The following HSD11B1 variants were observed in gnomAD, a reference collection of about 807,000 sequenced individuals.
HSD11B1 encodes 11-beta-hydroxysteroid dehydrogenase 1.
Under a neutral mutation model 22.1 loss-of-function variants are expected in HSD11B1, and 15 were observed. The ratio of observed to expected loss-of-function variants is 0.68; its 90% CI spans 0.45 to 1.04. The LOEUF (loss-of-function observed/expected upper bound fraction) is 1.04. Among genes scored for constraint, HSD11B1 ranks in the 50% least tolerant of loss-of-function variants. The pLI is 0.00. For synonymous variants in HSD11B1, 122 were observed against 125.2 expected (o/e 0.97, Z 0.17); for missense variants, 281 against 357.6 (o/e 0.79, Z 1.73).
At chr1:209,722,678 G>A (rs2076973874) in intron 4 of HSD11B1, among the ~76,000 whole-genome samples, 1 of 152,138 alleles carries the variant, frequency 6.6e-6, no homozygotes, top group Non-Finnish European at 1.5e-5. Flanking sequence ...AGGAAGAGCT[G>A]GGAAAAATGG....
intron 1 of HSD11B1, among the ~76,000 whole-genome samples, chr1:209,697,395 A>G (rs564957632): frequency 1.3e-5 from 2 of 152,328 alleles, no homozygotes; most frequent in Non-Finnish European, 2.9e-5. Flanking sequence ...ATCAAAATGA[A>G]CAACTTCCTG....
intron 1 of HSD11B1, among the ~76,000 whole-genome samples, chr1:209,689,877 A>T (rs1179749103): frequency 6.6e-6 from 1 of 152,224 alleles, no homozygotes; most frequent in Non-Finnish European, 1.5e-5. Context: ...ATGGGACAAA[A>T]GCCTTAGATA....
At chr1:209,701,207 T>C (rs1050843226), upstream of HSD11B1, among the ~76,000 whole-genome samples, 18 of 152,202 alleles carry the variant, frequency 1.2e-4, no homozygotes, top group African/African-American at 3.9e-4. Context: ...GAAACCAGGA[T>C]CAAAGAGAGG....
Position 209,734,229 on chromosome 1 carries a change from G to A in HSD11B1, c.662-75G>A, listed in dbSNP as rs912574974. On this transcript the variant is annotated intron_variant, in intron 5 of 5. Transcript: ENST00000367027. ...GCCAAAAGCCCCTGACAGCTAAGTGGTTGATGTCTCCAGGCCTTCCATCAT... is the reference window on the plus strand; with the variant it reads ...GCCAAAAGCCCCTGACAGCTAAGTGATTGATGTCTCCAGGCCTTCCATCAT... The A allele has an allele frequency of 4.1e-5, 48 of 1,178,846 alleles. No homozygotes were observed. The African/African-American group carries it at 6.5e-4, about 16-fold the overall frequency. 73.0% of individuals were successfully genotyped at this position (1,178,846 alleles called of 1,614,324 possible). A position where few individuals can be genotyped will look rare whatever the true frequency, so the allele number is the denominator to read the frequency against.
chr1:209,700,409 G>T (rs571237871), upstream of HSD11B1, among the ~76,000 whole-genome samples: 39 of 152,302 alleles, frequency 2.6e-4, no homozygotes, highest in South Asian at 7.7e-3. Flanking sequence ...CTGAGCTCTA[G>T]GCTAGCTCCT....
chr1:209,695,592 T>C (rs1280732435), intron 1 of HSD11B1, among the ~76,000 whole-genome samples: 1 of 152,040 alleles, frequency 6.6e-6, no homozygotes, highest in Non-Finnish European at 1.5e-5. Context: ...AGGCAGATCA[T>C]GAGGTCAAGA....
intron 4 of HSD11B1, among the ~76,000 whole-genome samples, chr1:209,707,555 T>C (rs1016513503): frequency 1.4e-4 from 22 of 152,150 alleles, no homozygotes; most frequent in African/African-American, 5.3e-4. Context: ...GAGGCACGCA[T>C]CCTGAGTAAA....
chr1:209,719,019 CAAA>C (rs56342028), intron 4 of HSD11B1, among the ~76,000 whole-genome samples: 8 of 35,704 alleles, frequency 2.2e-4, no homozygotes, highest in Admixed American at 9.7e-4. Flanking sequence ...GACTCCATCT[CAAA>C]AAAAAAAAAA....
chr1:209,694,012 C>T (rs1273840905), intron 1 of HSD11B1, among the ~76,000 whole-genome samples: 1 of 152,102 alleles, frequency 6.6e-6, no homozygotes, highest in African/African-American at 2.4e-5. Context: ...TCCTCCTGCT[C>T]CCAGCTCACC....
chr1:209,695,690 C>G lies in HSD11B1; in HGVS notation c.-48-9205C>G, dbSNP rs377288303. ...GGGTGTGGTGGTGCACCCTGTAGTC[C>G]CAGCTACTCAGGAGGCTGAGGCAGG... On this transcript the variant is annotated intron_variant, in intron 1 of 6. Transcript: ENST00000261465. 1.1e-3 allele frequency among the ~76,000 whole-genome samples: 167 copies of G among 152,188 alleles called. 1 individual carries two copies. The highest frequency in any genetic ancestry group is 3.8e-3 in the African/African-American group (157 of 41,522).
chr1:209,693,297 A>G (rs918317229), intron 1 of HSD11B1, among the ~76,000 whole-genome samples: 5 of 152,234 alleles, frequency 3.3e-5, no homozygotes, highest in Non-Finnish European at 7.3e-5. Context: ...AGGGAGCAGG[A>G]CAAGGCAGAA....
At chr1:209,726,024 A>T (rs777624038) in intron 4 of HSD11B1, among the ~76,000 whole-genome samples, 1 of 152,126 alleles carries the variant, frequency 6.6e-6, no homozygotes, top group Non-Finnish European at 1.5e-5. Context: ...ATGCTTGCAT[A>T]ATAGTTCATT....
chr1:209,699,369 A>G (rs2357075), intron 1 of HSD11B1, among the ~76,000 whole-genome samples: 108,208 of 152,034 alleles, frequency 0.71, 40,568 homozygotes, highest in Middle Eastern at 0.83. Flanking sequence ...AGGCCTCAGA[A>G]TCATGGTGGT....
chr1:209,695,426 C>T (rs942538937), intron 1 of HSD11B1, among the ~76,000 whole-genome samples: 8 of 152,138 alleles, frequency 5.3e-5, no homozygotes, highest in South Asian at 4.1e-4. Flanking sequence ...ACTAATTAGA[C>T]GGATGGTGAA....
chr1:209,705,794 C>T lies in HSD11B1; in HGVS notation c.89-17C>T. Reference sequence around the variant, plus strand: ...CCAACTTGGGTATGGTCCTCACTTCCTTTTGGGGTTCCCCAGAGATGCTCC... The same window carrying T: ...CCAACTTGGGTATGGTCCTCACTTCTTTTTGGGGTTCCCCAGAGATGCTCC... On this transcript the variant is annotated splice_polypyrimidine_tract_variant and intron_variant, in intron 1 of 5. Coordinates refer to ENST00000367027, the MANE Select transcript of HSD11B1 (RefSeq NM_005525.4). 6.2e-7 allele frequency: 1 copy of T among 1,613,322 alleles called. No individual in the cohort carries two copies. The highest frequency in any genetic ancestry group is 8.5e-7 in the Non-Finnish European group (1 of 1,179,602).
intron 4 of HSD11B1, among the ~76,000 whole-genome samples, chr1:209,731,504 T>C (rs527740976): frequency 6.6e-6 from 1 of 152,290 alleles, no homozygotes; most frequent in South Asian, 2.1e-4. Context: ...TAGCAGACAA[T>C]GGATTTTAAA....
At chr1:209,724,077 G>C (rs965341863) in intron 4 of HSD11B1, 1 of 152,432 alleles carries the variant, frequency 6.6e-6, no homozygotes, top group African/African-American at 2.4e-5. Context: ...CTCCAGAAGA[G>C]AAGGGATGAG....
rs1285769300 is a variant in HSD11B1 at position 209,704,902 on chromosome 1, CT to C, written c.-40del. ...TTGTAGAAAGCTCTGTAGGTTCTCT[CT>C]GTGTGTCCTACAGGAGTCTTCAGGC... On this transcript the variant is annotated 5_prime_UTR_variant, in exon 1 of 6. Coordinates refer to ENST00000367027, the MANE Select transcript of HSD11B1 (RefSeq NM_005525.4). The C allele has an allele frequency of 1.4e-6, 2 of 1,466,626 alleles. No homozygotes were observed. Among genetic ancestry groups the C allele is most frequent in the Non-Finnish European group, 1.9e-6 (2 of 1,046,176 alleles). The allele number at this position is 1,466,626 out of a possible 1,614,324, so 90.9% of individuals were successfully genotyped here.
intron 1 of HSD11B1, among the ~76,000 whole-genome samples, chr1:209,688,655 A>G (rs2076741877): frequency 6.6e-6 from 1 of 152,194 alleles, no homozygotes; most frequent in South Asian, 2.1e-4. Context: ...GGTAAGTAGA[A>G]GATATCACTA....
Sources: gnomAD v4.1 joint callset for allele counts (sites outside exome capture counted in the v4.1 genomes callset) on GRCh38, gnomAD v4.1.1 for gene constraint, MANE v1.5 for transcripts, NCBI Gene and HGNC (gene_info 2026-07-23, HGNC 2026-07-21) for gene names.